The following SNAPC4 variants were observed in gnomAD, a reference collection of about 807,000 sequenced individuals.
The protein encoded by SNAPC4 is small nuclear RNA activating complex polypeptide 4, also known as snRNA-activating protein complex subunit 4.
Under a neutral mutation model 151.3 loss-of-function variants are expected in SNAPC4, and 127 were observed. The observed-to-expected ratio is 0.84, with a 90% CI of 0.73 to 0.97. SNAPC4 has a LOEUF of 0.97. Among genes scored for constraint, SNAPC4 ranks in the 50% least tolerant of loss-of-function variants. SNAPC4 has a pLI of 0.00. For synonymous variants in SNAPC4, 1,002 were observed against 824.4 expected (o/e 1.22, Z -3.69); for missense variants, 2,186 against 1,935.0 (o/e 1.13, Z -2.43).
At chr9:136,380,877 C>T (rs772780089) in intron 19 of SNAPC4, 27 bp from the exon 20 acceptor site, 1 of 1,381,304 alleles carries the variant, frequency 7.2e-7, no homozygotes, top group South Asian at 1.2e-5. Context: ...GCAACCTAAC[C>T]ATAGCTGCTT....
chr9:136,387,405 C>G, intron 13 of SNAPC4, 80 bp downstream of exon 13: 1 of 1,034,962 alleles, frequency 9.7e-7, no homozygotes, highest in Admixed American at 1.7e-5. Context: ...TGTCCCCCAG[C>G]CCGCCCACAG....
intron 1 of SNAPC4, among the ~76,000 whole-genome samples, chr9:136,399,249 A>G (rs1834372696): frequency 6.6e-6 from 1 of 152,218 alleles, no homozygotes; most frequent in Non-Finnish European, 1.5e-5. Flanking sequence ...CTGGAGGCTG[A>G]CTGGGGCCCT....
At chr9:136,399,469 G>C (rs1435818143) in intron 1 of SNAPC4, among the ~76,000 whole-genome samples, 1 of 152,242 alleles carries the variant, frequency 6.6e-6, no homozygotes, top group Non-Finnish European at 1.5e-5. Context: ...CTTTCCTCTG[G>C]AAGCCTCACA....
At chr9:136,385,712 T>G (rs902280918) in intron 13 of SNAPC4, among the ~76,000 whole-genome samples, 4 of 151,968 alleles carry the variant, frequency 2.6e-5, no homozygotes, top group Non-Finnish European at 5.9e-5. Flanking sequence ...CCCACCACCA[T>G]GTGTGGCTAG....
Position 136,390,790 on chromosome 9 carries a change from G to A in SNAPC4, c.975+1152C>T, listed in dbSNP as rs1163189921. Among the ~76,000 whole-genome samples the A allele has an allele frequency of 2.0e-5, 3 of 151,404 alleles. No homozygotes were observed. The East Asian group carries it at 5.8e-4, about 29-fold the overall frequency. ...AAAAAAGTTATGTGTACCAAACTAT[G>A]TAGCAGTAAAATATACATAGAAGAA... On this transcript the variant is annotated intron_variant, in intron 10 of 23. Transcript: ENST00000684778.
At chr9:136,395,015 G>A (rs1230152665) in intron 5 of SNAPC4, 137 bp from the exon 6 acceptor site, 1 of 837,480 alleles carries the variant, frequency 1.2e-6, no homozygotes, top group South Asian at 1.8e-5. Flanking sequence ...CTGTGGGGGT[G>A]CAACCCTGCC....
intron 17 of SNAPC4, 28 bp downstream of exon 17, chr9:136,382,225 G>A: frequency 6.2e-7 from 1 of 1,609,346 alleles, no homozygotes; most frequent in Non-Finnish European, 8.5e-7. Flanking sequence ...GTGGTGGCGT[G>A]CGCGTGGGTG....
intron 20 of SNAPC4, among the ~76,000 whole-genome samples, chr9:136,380,301 C>T (rs149582849): frequency 3.4e-5 from 5 of 145,844 alleles, no homozygotes; most frequent in South Asian, 4.5e-4. Flanking sequence ...CAGGGAGAGG[C>T]GGGGGGGCTG....
In SNAPC4 at chr9:136,379,124, C is replaced by A; in HGVS notation, c.2703G>T (p.Arg901=). ...KTVSELLQEK[R]LQEARAREAT... is the part of the protein sequence containing the mutation. The stretch of plus-strand genomic sequence containing the variant: ...CCTCCCTGGCACGGGCCTCCTGAAG[C>A]CGCTTCTCCTGAAGCAGCTCCGACA... Residue 901 remains arginine, a synonymous_variant, in exon 22 of 24, where the codon CGG becomes CGT. Transcript: ENST00000684778. 1 of 1,564,568 alleles carries A rather than the reference C, an allele frequency of 6.4e-7. No individual in the cohort carries two copies. The highest frequency in any genetic ancestry group is 8.7e-7 in the Non-Finnish European group (1 of 1,155,274).
rs1005930339 is a variant in SNAPC4 at position 136,378,160 on chromosome 9, C to G, written c.3667G>C (p.Gly1223Arg). 2 of 1,610,768 alleles carry G rather than the reference C, an allele frequency of 1.2e-6. No homozygotes were observed. Among genetic ancestry groups the G allele is most frequent in the African/African-American group, 2.7e-5 (2 of 74,900 alleles). The change falls in exon 22 of 24, where the codon GGG becomes CGG. Residue 1223 changes from glycine (G) to arginine (R), a missense_variant. Coordinates refer to ENST00000684778, the MANE Select transcript of SNAPC4 (RefSeq NM_003086.4). ...IPATEPRGTPGSPSGTQEPRG... is the reference protein window; with the variant it reads ...IPATEPRGTPRSPSGTQEPRG... ...GGCTCCTGTGTCCCTGAGGGGGACC[C>G]CGGCGTCCCCCTTGGCTCAGTTGCT... is the stretch of plus-strand genomic sequence containing the variant.
At chr9:136,397,326 G>A (rs1464095668) in intron 2 of SNAPC4, among the ~76,000 whole-genome samples, 1 of 152,036 alleles carries the variant, frequency 6.6e-6, no homozygotes, top group African/African-American at 2.4e-5. Context: ...GGAAAGTTTA[G>A]CAGAAAACGG....
Position 136,398,307 on chromosome 9 carries a change from G to C in SNAPC4, c.122C>G (p.Ser41Cys), listed in dbSNP as rs368301524. 2 of 1,612,680 alleles carry C rather than the reference G, an allele frequency of 1.2e-6. No individual in the cohort carries two copies. The highest frequency in any genetic ancestry group is 1.1e-5 in the South Asian group (1 of 91,030). The change falls in exon 2 of 24, where the codon TCT (serine) becomes TGT (cysteine). Residue 41 changes from serine (S) to cysteine (C), a missense_variant. By Grantham distance (112) the Ser-to-Cys change is moderately radical. Transcript: ENST00000684778. ...EISESSLESD[S>C]EADSLPSEDL... ...AGGTACAAGGGGCTTACCTGCTTCA[G>C]AATCTGACTCGAGACTTGATTCTGA...
chr9:136,376,045 G>T (rs1385548437), intron 23 of SNAPC4, among the ~76,000 whole-genome samples: 1 of 152,210 alleles, frequency 6.6e-6, no homozygotes, highest in Non-Finnish European at 1.5e-5. Flanking sequence ...ACGCAGCAAT[G>T]CACGGGAACA....
Position 136,382,606 on chromosome 9 carries a change from C to T in SNAPC4, c.1984-270G>A, listed in dbSNP as rs183624303. Among the ~76,000 whole-genome samples the T allele has an allele frequency of 8.5e-5, 13 of 152,342 alleles. No homozygotes were observed. In the South Asian group the frequency reaches 1.2e-3, roughly 15 times the overall value. ...TGACAGCAGCAGCCCTTCCAGGTGACGCCCCGGCCTAGGGAGATGCTGGCT... is the reference window on the plus strand; with the variant it reads ...TGACAGCAGCAGCCCTTCCAGGTGATGCCCCGGCCTAGGGAGATGCTGGCT... On this transcript the variant is annotated intron_variant, in intron 16 of 23. Transcript: ENST00000684778.
At position 136,377,926 on chromosome 9, in the gene SNAPC4, GT is replaced by G; in HGVS notation, c.3900del (p.Arg1300SerfsTer107). ...CACAGGGCTGGGGGCTGATAGGGCA[GT>G]CTGCTGCCCAGAAGAGGCACACGCA... is the stretch of plus-strand genomic sequence containing the variant. ...RGVRVPLLGSRLPYQPPALCS... is the reference protein window; with the variant it reads ...RGVRVPLLGSXLPYQPPALCS... On this transcript the variant is annotated frameshift_variant, in exon 22 of 24. Coordinates refer to ENST00000684778, the MANE Select transcript of SNAPC4 (RefSeq NM_003086.4). LOFTEE classifies it high-confidence loss of function. 1 of 1,609,706 alleles carries G rather than the reference GT, an allele frequency of 6.2e-7. No homozygotes were observed. Among genetic ancestry groups the G allele is most frequent in the South Asian group, 1.1e-5 (1 of 91,028 alleles).
In SNAPC4 at chr9:136,392,096, C is replaced by G; in HGVS notation, c.821G>C (p.Ser274Thr). Residue 274 changes from serine to threonine, a missense_variant, in exon 10 of 24, where the codon AGC becomes ACC. Coordinates refer to ENST00000684778, the MANE Select transcript of SNAPC4 (RefSeq NM_003086.4). Reference protein sequence around the residue: ...EKISNINFEGSRSAEEIRKFW... With the variant: ...EKISNINFEGTRSAEEIRKFW... Reference sequence around the variant, plus strand: ...CTTCCGGATCTCCTCTGCACTGCGGCTGCCTTCAAACTGCACCGACAGAGA... The same window carrying G: ...CTTCCGGATCTCCTCTGCACTGCGGGTGCCTTCAAACTGCACCGACAGAGA... 1 of 1,612,172 alleles carries G rather than the reference C, an allele frequency of 6.2e-7. No individual in the cohort carries two copies. Among genetic ancestry groups the G allele is most frequent in the Non-Finnish European group, 8.5e-7 (1 of 1,179,994 alleles).
chr9:136,392,258 G>C, intron 9 of SNAPC4, 152 bp from the exon 10 acceptor site: 1 of 996,958 alleles, frequency 1.0e-6, no homozygotes, highest in Non-Finnish European at 1.5e-6. Flanking sequence ...GCCTTGCATA[G>C]CCAAACATGT....
At chr9:136,396,445 C>T (rs987243808) in intron 3 of SNAPC4, among the ~76,000 whole-genome samples, 1 of 152,204 alleles carries the variant, frequency 6.6e-6, no homozygotes, top group African/African-American at 2.4e-5. Context: ...GAGACAGGGT[C>T]TCACTCCATC....
chr9:136,379,814 C>G (rs369237758), intron 21 of SNAPC4, 23 bp downstream of exon 21: 137 of 1,610,480 alleles, frequency 8.5e-5, no homozygotes, highest in Non-Finnish European at 1.1e-4. Flanking sequence ...CTCTTCCCCA[C>G]CAGGGCAGAG....
Sources: allele counts gnomAD v4.1 joint callset (sites outside exome capture counted in the v4.1 genomes callset), GRCh38; gene constraint gnomAD v4.1.1; transcripts MANE v1.5; gene names NCBI Gene and HGNC (gene_info 2026-07-23, HGNC 2026-07-21).